The following LSAMP variants were observed in gnomAD, a reference collection of about 807,000 sequenced individuals.
The protein encoded by LSAMP is limbic system-associated membrane protein.
In LSAMP, 7 loss-of-function variants were observed where a neutral mutation model predicts 38.6. The ratio of observed to expected loss-of-function variants is 0.18; its 90% CI spans 0.10 to 0.34. The LOEUF is 0.34. LSAMP is among the 10% of genes least tolerant of loss of function. LSAMP has a pLI of 1.00. For synonymous variants in LSAMP, 154 were observed against 166.8 expected (o/e 0.92, Z 0.59); for missense variants, 313 against 420.0 (o/e 0.75, Z 2.23).
intron 1 of LSAMP, among the ~76,000 whole-genome samples, chr3:116,213,789 T>A (rs2046189418): frequency 6.6e-6 from 1 of 152,152 alleles, no homozygotes. Flanking sequence ...CTATGCTAAG[T>A]GAAATAAGCC....
intron 1 of LSAMP, among the ~76,000 whole-genome samples, chr3:116,337,269 T>C (rs896120235): frequency 1.3e-5 from 2 of 151,988 alleles, no homozygotes; most frequent in Non-Finnish European, 2.9e-5. Context: ...CACAACATTA[T>C]GATGTATTTG....
chr3:115,963,738 C>T (rs1333329673), intron 3 of LSAMP, among the ~76,000 whole-genome samples: 1 of 152,120 alleles, frequency 6.6e-6, no homozygotes, highest in East Asian at 1.9e-4. Flanking sequence ...AAGACTCTAT[C>T]CATTCTTTAA....
intron 1 of LSAMP, among the ~76,000 whole-genome samples, chr3:116,212,557 C>CAAA (rs11287021): frequency 1.0e-4 from 15 of 148,070 alleles, no homozygotes; most frequent in African/African-American, 3.8e-4. Context: ...AATAAAACTT[C>CAAA]AAAAAAAAAA....
At chr3:116,239,160 C>A (rs1364404738) in intron 1 of LSAMP, among the ~76,000 whole-genome samples, 3 of 152,132 alleles carry the variant, frequency 2.0e-5, no homozygotes, top group Non-Finnish European at 4.4e-5. Flanking sequence ...AGGTTGCTGA[C>A]CTCACCACAG....
chr3:116,274,792 A>T (rs866858091), intron 1 of LSAMP, among the ~76,000 whole-genome samples: 2 of 152,180 alleles, frequency 1.3e-5, no homozygotes, highest in Middle Eastern at 6.8e-3. Flanking sequence ...TGCAGTAAAA[A>T]TAATTTGAAA....
intron 1 of LSAMP, among the ~76,000 whole-genome samples, chr3:116,142,464 GTTAAGAAGGTTATA>G (rs1200723881): frequency 1.3e-5 from 2 of 151,990 alleles, no homozygotes; most frequent in Non-Finnish European, 2.9e-5. Flanking sequence ...CAATTCCGGA[GTTAAGAAGGTTATA>G]ATCTCCAGCC....
intron 1 of LSAMP, among the ~76,000 whole-genome samples, chr3:116,146,797 A>G (rs915276219): frequency 3.3e-5 from 5 of 151,916 alleles, no homozygotes; most frequent in African/African-American, 1.2e-4. Flanking sequence ...GAATCATATC[A>G]ATTTGGTAAA....
At chr3:116,134,246 C>G (rs997641033) in intron 1 of LSAMP, among the ~76,000 whole-genome samples, 11 of 152,154 alleles carry the variant, frequency 7.2e-5, no homozygotes, top group Admixed American at 6.5e-4. Flanking sequence ...AAAATACACC[C>G]CATGCCCATT....
At chr3:115,919,468 T>A (rs893007768) in intron 3 of LSAMP, among the ~76,000 whole-genome samples, 6 of 152,152 alleles carry the variant, frequency 3.9e-5, no homozygotes, top group African/African-American at 1.2e-4. Context: ...ATTCTAGAGG[T>A]CAGGTTTGGG....
At chr3:115,826,778 G>T (rs1265716342) in intron 6 of LSAMP, among the ~76,000 whole-genome samples, 1 of 152,066 alleles carries the variant, frequency 6.6e-6, no homozygotes, top group Non-Finnish European at 1.5e-5. Flanking sequence ...TGTTCCTAAT[G>T]ATTAGAAATC....
At chr3:116,084,056 A>T (rs896243168) in intron 2 of LSAMP, among the ~76,000 whole-genome samples, 1 of 152,202 alleles carries the variant, frequency 6.6e-6, no homozygotes, top group Middle Eastern at 3.2e-3. Context: ...TCAGACAAAC[A>T]TGGGTTTGAA....
At chr3:116,443,688 A>G (rs1481985656) in intron 1 of LSAMP, among the ~76,000 whole-genome samples, 1 of 152,138 alleles carries the variant, frequency 6.6e-6, no homozygotes. Flanking sequence ...TTTATTTTCT[A>G]TTGTATACTG....
At chr3:116,279,052 T>C (rs1159941268) in intron 1 of LSAMP, among the ~76,000 whole-genome samples, 1 of 152,204 alleles carries the variant, frequency 6.6e-6, no homozygotes, top group African/African-American at 2.4e-5. Context: ...TAACATTCTT[T>C]TTGCTAGTAC....
At chr3:116,147,893 T>C (rs1012783948) in intron 1 of LSAMP, among the ~76,000 whole-genome samples, 1 of 151,928 alleles carries the variant, frequency 6.6e-6, no homozygotes, top group East Asian at 1.9e-4. Flanking sequence ...ATAGGAAAAA[T>C]GTGATACCAT....
At chr3:115,990,238 G>T (rs988110179) in intron 3 of LSAMP, among the ~76,000 whole-genome samples, 3 of 151,818 alleles carry the variant, frequency 2.0e-5, no homozygotes, top group African/African-American at 7.3e-5. Context: ...GCATCTTTAG[G>T]GTTTCATAAT....
At chr3:116,242,655 C>T (rs988087755) in intron 1 of LSAMP, among the ~76,000 whole-genome samples, 4 of 151,578 alleles carry the variant, frequency 2.6e-5, no homozygotes, top group South Asian at 4.1e-4. Flanking sequence ...CCTGCTTTTT[C>T]GTTCCAAGGC....
intron 1 of LSAMP, among the ~76,000 whole-genome samples, chr3:116,166,732 C>T (rs2107546849): frequency 6.6e-6 from 1 of 150,820 alleles, no homozygotes; most frequent in African/African-American, 2.4e-5. Context: ...GATGTCACAT[C>T]ATCAAACCTA....
chr3:116,407,977 C>T (rs1372560524), intron 1 of LSAMP, among the ~76,000 whole-genome samples: 2 of 151,948 alleles, frequency 1.3e-5, no homozygotes, highest in Admixed American at 1.3e-4. Context: ...TAAGAAGGTA[C>T]ATCAGAGCCT....
intron 1 of LSAMP, among the ~76,000 whole-genome samples, chr3:116,277,382 T>C (rs1465966913): frequency 6.6e-6 from 1 of 151,926 alleles, no homozygotes; most frequent in Non-Finnish European, 1.5e-5. Context: ...GTGTTTTTTT[T>C]TTTTGAGACA....
Sources: gnomAD v4.1 joint callset for allele counts (sites outside exome capture counted in the v4.1 genomes callset) on GRCh38, gnomAD v4.1.1 for gene constraint, MANE v1.5 for transcripts, NCBI Gene and HGNC (gene_info 2026-07-23, HGNC 2026-07-21) for gene names.